The following CAMSAP1 variants were observed in gnomAD, a reference collection of about 807,000 sequenced individuals.
The protein encoded by CAMSAP1 is calmodulin regulated spectrin associated protein 1.
A neutral mutation model predicts 143.5 loss-of-function variants in CAMSAP1; 58 were observed. The ratio of observed to expected loss-of-function variants is 0.40; its 90% confidence interval spans 0.33 to 0.50. CAMSAP1 has a LOEUF of 0.50. Among genes scored for constraint, CAMSAP1 ranks in the 20% least tolerant of loss-of-function variants. The probability of loss-of-function intolerance (pLI) is 0.45; values close to 1 mark genes in which losing one functional copy is unlikely to be tolerated. For missense variants in CAMSAP1, 1,969 were observed against 2,115.7 expected (o/e 0.93, Z 1.36); for synonymous variants, 945 against 859.3 (o/e 1.10, Z -1.74).
At chr9:135,838,163 G>A (rs972135026) in intron 7 of CAMSAP1, among the ~76,000 whole-genome samples, 112 of 139,510 alleles carry the variant, frequency 8.0e-4, no homozygotes, top group African/African-American at 2.1e-3. Context: ...ACGTCATCAC[G>A]CACTTTCCAC....
chr9:135,820,382 CAAGA>C lies in CAMSAP1; in HGVS notation c.3822+453_3822+456del. Among the ~76,000 whole-genome samples, 1 of 152,240 alleles carries C rather than the reference CAAGA, an allele frequency of 6.6e-6. No homozygotes were observed. The highest frequency in any genetic ancestry group is 1.9e-4 in the East Asian group (1 of 5,188). ...CCCTTCATATCTAAGGAAAAAATTA[CAAGA>C]AAAACATACAAAAAATGTTTTTTGA... On this transcript the variant is annotated intron_variant, in intron 11 of 16. Coordinates refer to ENST00000389532, the MANE Select transcript of CAMSAP1 (RefSeq NM_015447.4). The surrounding 1 kb of genome is among the most constrained non-coding windows in gnomAD (Gnocchi z 4.4).
intron 7 of CAMSAP1, 33 bp from the exon 8 acceptor site, chr9:135,827,617 C>A: frequency 6.6e-7 from 1 of 1,518,972 alleles, no homozygotes; most frequent in Non-Finnish European, 8.9e-7. Flanking sequence ...TCGTTACTTA[C>A]AACACTAACT....
At chr9:135,851,791 G>A (rs1437166776) in intron 5 of CAMSAP1, among the ~76,000 whole-genome samples, 1 of 152,196 alleles carries the variant, frequency 6.6e-6, no homozygotes, top group Non-Finnish European at 1.5e-5. Context: ...CCGCTATATG[G>A]TCCTCCACGA....
chr9:135,822,559 A>G lies in CAMSAP1; in HGVS notation c.2102T>C (p.Phe701Ser). Residue 701 changes from phenylalanine (F) to serine (S), a missense_variant, in exon 11 of 17, where the codon TTC (phenylalanine) becomes TCC (serine). Physicochemically the swap from Phe to Ser is radical, Grantham distance 155 (BLOSUM62 -2). This residue lies in a region of CAMSAP1 where 1,390 missense variants were observed against 1,420.8 expected (regional missense o/e 0.98). Coordinates refer to ENST00000389532, the MANE Select transcript of CAMSAP1 (RefSeq NM_015447.4). The surrounding 1 kb of genome is among the most constrained non-coding windows in gnomAD (Gnocchi z 6.1). ...TTCATCGGCCCTGCCTACATGAAGG[A>G]AGAAGCCATCCGTGGATGGTCCCTG... The part of the protein sequence containing the change: ...FPQGPSTDGF[F>S]LHVGRADEDT... 6.2e-7 allele frequency: 1 copy of G among 1,613,716 alleles called. No individual in the cohort carries two copies. The highest frequency in any genetic ancestry group is 8.5e-7 in the Non-Finnish European group (1 of 1,179,852).
intron 14 of CAMSAP1, 65 bp from the exon 15 acceptor site, chr9:135,816,070 A>C (rs1200089231): frequency 3.2e-5 from 47 of 1,485,614 alleles, no homozygotes; most frequent in Non-Finnish European, 4.4e-5. Context: ...CACTGCTGGC[A>C]AGGGGCTGGC....
At chr9:135,883,573 A>G (rs7861677) in intron 1 of CAMSAP1, among the ~76,000 whole-genome samples, 28,415 of 152,198 alleles carry the variant, frequency 0.19, 3,188 homozygotes, top group African/African-American at 0.29. Flanking sequence ...CATGAAAATC[A>G]GAAGTGATAA....
chr9:135,866,550 G>T lies in CAMSAP1; in HGVS notation c.586-14C>A. 1 of 1,216,208 alleles carries T rather than the reference G, an allele frequency of 8.2e-7. No individual in the cohort carries two copies. The highest frequency in any genetic ancestry group is 1.5e-5 in the African/African-American group (1 of 66,466). The allele number at this position is 1,216,208 out of a possible 1,614,324, so 75.3% of individuals were successfully genotyped here. On this transcript the variant is annotated splice_polypyrimidine_tract_variant and intron_variant, in intron 3 of 16. Coordinates refer to ENST00000389532, the MANE Select transcript of CAMSAP1 (RefSeq NM_015447.4). ...TTTAAGATTTACCTAAAGTAGAAGAGAAATGCATTAAAGAGGTAATTGCTG... is the reference window on the plus strand; with the variant it reads ...TTTAAGATTTACCTAAAGTAGAAGATAAATGCATTAAAGAGGTAATTGCTG...
In CAMSAP1 at chr9:135,821,648, C is replaced by T; in HGVS notation, c.3013G>A (p.Ala1005Thr). ...ELERNKVISA[A>T]LLEDTVGEVV... The stretch of plus-strand genomic sequence containing the variant: ...TCCCCAACAGTGTCCTCCAGGAGGG[C>T]AGCGGAGATCACCTTATTTCTCTCC... Residue 1005 changes from alanine to threonine, a missense_variant, in exon 11 of 17, where the codon GCC becomes ACC. By Grantham distance (58) the Ala-to-Thr change is moderately conservative (BLOSUM62 0). This residue lies in a region of CAMSAP1 where 1,390 missense variants were observed against 1,420.8 expected (regional missense o/e 0.98). Transcript: ENST00000389532. This position sits in a 1 kb window ranked among gnomAD's most constrained non-coding sequence, Gnocchi z 4.6. 1 of 1,614,014 alleles carries T rather than the reference C, an allele frequency of 6.2e-7. No individual in the cohort carries two copies. The highest frequency in any genetic ancestry group is 8.5e-7 in the Non-Finnish European group (1 of 1,179,886).
rs191545331 is a variant in CAMSAP1 at position 135,886,950 on chromosome 9, G to A, written c.161-3872C>T. ...CCTAAGACAGGAAACCAGTAGTGTG[G>A]AGGAGGAGGGCAGTCGGGGACAGGA... On this transcript the variant is annotated intron_variant, in intron 1 of 16. Coordinates refer to ENST00000389532, the MANE Select transcript of CAMSAP1 (RefSeq NM_015447.4). 2.5e-4 allele frequency among the ~76,000 whole-genome samples: 38 copies of A among 152,346 alleles called. No individual in the cohort carries two copies. The East Asian group carries it at 7.1e-3, about 29-fold the overall frequency.
chr9:135,907,168 A>G lies in CAMSAP1; in HGVS notation c.-9T>C, dbSNP rs1838810879. On this transcript the variant is annotated 5_prime_UTR_variant, in exon 1 of 17. Transcript: ENST00000389532. ...CCGCTCGCGTCCACCATCTGCAGAC[A>G]AAGGGCTGAGGCGGCGGCCCGGCCG... 9.2e-7 allele frequency: 1 copy of G among 1,087,948 alleles called. No individual in the cohort carries two copies. The highest frequency in any genetic ancestry group is 5.1e-5 in the East Asian group (1 of 19,750). 67.4% of individuals were successfully genotyped at this position (1,087,948 alleles called of 1,614,324 possible).
chr9:135,868,405 G>A (rs966521068), intron 3 of CAMSAP1, among the ~76,000 whole-genome samples: 6 of 152,002 alleles, frequency 3.9e-5, no homozygotes, highest in African/African-American at 1.5e-4. Flanking sequence ...ATTCACATTT[G>A]CAAACATGTT....
intron 1 of CAMSAP1, among the ~76,000 whole-genome samples, chr9:135,905,553 G>A (rs747720413): frequency 3.3e-5 from 5 of 152,134 alleles, no homozygotes; most frequent in Non-Finnish European, 5.9e-5. Context: ...GAGCAGCTGC[G>A]GTGAACAGTC....
Position 135,882,759 on chromosome 9 carries a change from C to A in CAMSAP1, c.423+57G>T. 6.6e-7 allele frequency: 1 copy of A among 1,514,580 alleles called. No individual in the cohort carries two copies. 93.8% of individuals were successfully genotyped at this position (1,514,580 alleles called of 1,614,324 possible). On this transcript the variant is annotated intron_variant, in intron 2 of 16. Transcript: ENST00000389532. This position sits in a 1 kb window ranked among gnomAD's most constrained non-coding sequence, Gnocchi z 4.9. Reference sequence around the variant, plus strand: ...CCATCCATGCACCAGGTGCGCCACACGAGAGCCCACGGCTCCAGAGGATGG... The same window carrying A: ...CCATCCATGCACCAGGTGCGCCACAAGAGAGCCCACGGCTCCAGAGGATGG...
chr9:135,818,895 C>T lies in CAMSAP1; in HGVS notation c.3959+115G>A, dbSNP rs1204946364. ...GAGGTGGTCCATGGGAGGAGTAAGA[C>T]CGTCACAGGCACTCATTGCCATGGT... On this transcript the variant is annotated intron_variant, in intron 12 of 16. Transcript: ENST00000389532. This position sits in a 1 kb window ranked among gnomAD's most constrained non-coding sequence, Gnocchi z 7.7. The T allele has an allele frequency of 1.1e-5, 16 of 1,459,962 alleles. No homozygotes were observed. Among genetic ancestry groups the T allele is most frequent in the East Asian group, 2.5e-5 (1 of 40,526 alleles). The allele number at this position is 1,459,962 out of a possible 1,614,324, so 90.4% of individuals were successfully genotyped here.
chr9:135,880,302 G>C (rs748969213), intron 3 of CAMSAP1, among the ~76,000 whole-genome samples: 6 of 152,132 alleles, frequency 3.9e-5, no homozygotes, highest in African/African-American at 7.2e-5. Flanking sequence ...GTGAGAGCCA[G>C]GGATGAGTGA....
chr9:135,816,383 C>T (rs1835231376), intron 14 of CAMSAP1, among the ~76,000 whole-genome samples: 1 of 152,160 alleles, frequency 6.6e-6, no homozygotes, highest in South Asian at 2.1e-4. Flanking sequence ...GTGCTGCTGC[C>T]CAGCCAGGGA....
intron 3 of CAMSAP1, among the ~76,000 whole-genome samples, chr9:135,867,475 C>CCCCTT (rs1491489651): frequency 6.9e-6 from 1 of 145,260 alleles, no homozygotes; most frequent in Non-Finnish European, 1.5e-5. Context: ...CAAGACCCCC[C>CCCCTT]TCTTTTTTTT....
At chr9:135,906,452 G>A (rs898412692) in intron 1 of CAMSAP1, among the ~76,000 whole-genome samples, 5 of 152,214 alleles carry the variant, frequency 3.3e-5, no homozygotes, top group African/African-American at 9.6e-5. Flanking sequence ...TGAGTAACAA[G>A]GTTACCTAGT....
intron 7 of CAMSAP1, among the ~76,000 whole-genome samples, chr9:135,843,315 G>T (rs749017738): frequency 9.2e-5 from 14 of 152,100 alleles, no homozygotes; most frequent in East Asian, 1.9e-4. Context: ...CAACAAGAGC[G>T]AAACTCCATC....
Sources: gnomAD v4.1 joint callset for allele counts (sites outside exome capture counted in the v4.1 genomes callset) on GRCh38, gnomAD v4.1.1 for gene constraint, gnomAD v4.1.1 regional missense constraint, Gnocchi (gnomAD v3.1) non-coding constraint, MANE v1.5 for transcripts, NCBI Gene and HGNC (gene_info 2026-07-23, HGNC 2026-07-21) for gene names.